Variants in SYN3 observed in about 807,000 individuals in gnomAD.
SYN3 encodes synapsin III, also known as synapsin-3.
Under a neutral mutation model 65.8 loss-of-function variants are expected in SYN3, and 35 were observed. The ratio of observed to expected loss-of-function variants is 0.53; its 90% CI spans 0.41 to 0.70. The LOEUF is 0.70. SYN3 is among the 30% of genes least tolerant of loss of function. The pLI is 0.00. For synonymous variants in SYN3, 270 were observed against 292.9 expected (o/e 0.92, Z 0.80); for missense variants, 680 against 749.0 (o/e 0.91, Z 1.08).
intron 6 of SYN3, among the ~76,000 whole-genome samples, chr22:32,791,915 C>T (rs1172941256): frequency 6.6e-6 from 1 of 152,016 alleles, no homozygotes; most frequent in Non-Finnish European, 1.5e-5. Flanking sequence ...TCCATCCCTT[C>T]TTTGAGTATT....
At chr22:32,754,720 T>A (rs2045242124) in intron 6 of SYN3, among the ~76,000 whole-genome samples, 1 of 152,224 alleles carries the variant, frequency 6.6e-6, no homozygotes. Flanking sequence ...GTCCTACACC[T>A]TGATGCCTTT....
chr22:32,773,405 T>C (rs2045824769), intron 6 of SYN3, among the ~76,000 whole-genome samples: 1 of 31,774 alleles, frequency 3.1e-5, no homozygotes, highest in Admixed American at 5.3e-4. Context: ...AGACTCTGTC[T>C]CAAAAAAAAA....
intron 8 of SYN3, among the ~76,000 whole-genome samples, chr22:32,541,331 A>G (rs1205006130): frequency 6.6e-6 from 1 of 152,236 alleles, no homozygotes; most frequent in Non-Finnish European, 1.5e-5. Context: ...TTCCCTAGAC[A>G]TGCCAAGCAC....
intron 6 of SYN3, among the ~76,000 whole-genome samples, chr22:32,682,245 A>G (rs2060533983): frequency 2.0e-5 from 3 of 152,166 alleles, no homozygotes. Context: ...ACATCCTACA[A>G]TGCACAAGTC....
In SYN3 at chr22:32,869,330, T is replaced by TTCTCTCTCTCTTCTCTCTCTCTCTC. The variant is rs2048777071; in HGVS notation, c.462-206_462-205insGAGAGAGAGAGAGAAGAGAGAGAGA. Among the ~76,000 whole-genome samples the TTCTCTCTCTCTTCTCTCTCTCTCTC allele has an allele frequency of 9.9e-5, 12 of 121,040 alleles. No individual in the cohort carries two copies. In the South Asian group the frequency reaches 3.3e-3, roughly 33 times the overall value. 79.4% of individuals were successfully genotyped at this position (121,040 alleles called of 152,430 possible). A position where few individuals can be genotyped will look rare whatever the true frequency, so the allele number is the denominator to read the frequency against. ...CAAAGGGCTGGAAACACTATATATA[T>TTCTCTCTCTCTTCTCTCTCTCTCTC]TCTCTCTCTCTCTCTCTCTCTCTCT... On this transcript the variant is annotated intron_variant, in intron 4 of 13. Coordinates refer to ENST00000358763, the MANE Select transcript of SYN3 (RefSeq NM_003490.4).
intron 4 of SYN3, among the ~76,000 whole-genome samples, chr22:32,901,547 T>A (rs2049760437): frequency 6.6e-6 from 1 of 152,218 alleles, no homozygotes; most frequent in African/African-American, 2.4e-5. Flanking sequence ...GCTCCTCTCA[T>A]AATGATCAGC....
At chr22:32,611,846 T>G (rs898686822) in intron 6 of SYN3, among the ~76,000 whole-genome samples, 5 of 152,170 alleles carry the variant, frequency 3.3e-5, no homozygotes, top group Non-Finnish European at 7.3e-5. Flanking sequence ...CCACTCTTGG[T>G]GGGCTCCTGG....
chr22:32,910,752 G>T (rs536745255), intron 4 of SYN3, among the ~76,000 whole-genome samples: 2 of 152,200 alleles, frequency 1.3e-5, no homozygotes, highest in Non-Finnish European at 2.9e-5. Flanking sequence ...CTGGAAAATA[G>T]GTCGTTCAGA....
At chr22:32,895,366 C>T (rs1001379574) in intron 4 of SYN3, among the ~76,000 whole-genome samples, 1 of 152,172 alleles carries the variant, frequency 6.6e-6, no homozygotes, top group Admixed American at 6.5e-5. Flanking sequence ...GAGCCAATTC[C>T]TTATAGTAAA....
intron 1 of SYN3, among the ~76,000 whole-genome samples, chr22:33,049,976 G>A (rs375058421): frequency 5.3e-5 from 8 of 152,098 alleles, no homozygotes; most frequent in East Asian, 3.9e-4. Context: ...GCCTGGAGGT[G>A]AGAATAACTA....
At chr22:32,737,370 G>T (rs924157120) in intron 6 of SYN3, among the ~76,000 whole-genome samples, 1 of 151,940 alleles carries the variant, frequency 6.6e-6, no homozygotes, top group Non-Finnish European at 1.5e-5. Flanking sequence ...CAACGTGCAG[G>T]TTAGTTACAT....
intron 6 of SYN3, among the ~76,000 whole-genome samples, chr22:32,831,024 A>G (rs1305832757): frequency 6.6e-6 from 1 of 152,138 alleles, no homozygotes; most frequent in East Asian, 1.9e-4. Flanking sequence ...ATATTGACAG[A>G]GTGAAAAGTA....
At position 32,761,316 on chromosome 22, in the gene SYN3, C is replaced by T. The variant is rs1382352598; in HGVS notation, c.711+103599G>A. On this transcript the variant is annotated intron_variant, in intron 6 of 13. Coordinates refer to ENST00000358763, the MANE Select transcript of SYN3 (RefSeq NM_003490.4). The stretch of plus-strand genomic sequence containing the variant: ...CTTTGGTTTTTATGAGGAGCAGGAG[C>T]CCAGGGAAGAAATGGGACATGAGAG... 3.9e-5 allele frequency among the ~76,000 whole-genome samples: 6 copies of T among 152,252 alleles called. No individual in the cohort carries two copies. The East Asian group carries it at 1.2e-3, about 29-fold the overall frequency.
intron 6 of SYN3, among the ~76,000 whole-genome samples, chr22:32,639,099 G>A (rs375329414): frequency 2.6e-5 from 4 of 152,098 alleles, no homozygotes; most frequent in African/African-American, 4.8e-5. Flanking sequence ...GACTACAGGC[G>A]CCCGCCACCA....
At chr22:32,663,392 G>A (rs1186622704) in intron 6 of SYN3, among the ~76,000 whole-genome samples, 2 of 150,470 alleles carry the variant, frequency 1.3e-5, no homozygotes, top group East Asian at 2.0e-4. Flanking sequence ...TCCGCCTCCC[G>A]GGTTCACGCC....
At chr22:32,658,169 A>G (rs1187983304) in intron 6 of SYN3, among the ~76,000 whole-genome samples, 1 of 152,206 alleles carries the variant, frequency 6.6e-6, no homozygotes, top group African/African-American at 2.4e-5. Context: ...GTGAGGCAGA[A>G]GGAGAATAAA....
Position 32,730,934 on chromosome 22 carries a change from C to T in SYN3, c.711+133981G>A, listed in dbSNP as rs12170326. Among the ~76,000 whole-genome samples the T allele has an allele frequency of 3.4e-3, 511 of 152,224 alleles. 4 individuals carry two copies. The highest frequency in any genetic ancestry group is 0.01 in the Middle Eastern group (3 of 294). On this transcript the variant is annotated intron_variant, in intron 6 of 13. Transcript: ENST00000358763. ...ACATTCTGTCACCCTGTATGTGTCACCACAAACATCACTTTCCAGGATGGC... is the reference window on the plus strand; with the variant it reads ...ACATTCTGTCACCCTGTATGTGTCATCACAAACATCACTTTCCAGGATGGC...
At chr22:32,806,528 G>T (rs2046742372) in intron 6 of SYN3, among the ~76,000 whole-genome samples, 1 of 152,224 alleles carries the variant, frequency 6.6e-6, no homozygotes, top group Non-Finnish European at 1.5e-5. Context: ...AGGCAGGGTG[G>T]AGTGGTGGAA....
intron 4 of SYN3, among the ~76,000 whole-genome samples, chr22:32,920,843 C>T (rs1455440872): frequency 2.0e-5 from 3 of 152,088 alleles, no homozygotes; most frequent in Non-Finnish European, 4.4e-5. Context: ...GACTGGAAGG[C>T]AGAGGGAGAG....
Sources: gnomAD v4.1 joint callset for allele counts (sites outside exome capture counted in the v4.1 genomes callset) on GRCh38, gnomAD v4.1.1 for gene constraint, MANE v1.5 for transcripts, NCBI Gene and HGNC (gene_info 2026-07-23, HGNC 2026-07-21) for gene names.